The following THSD4 variants were observed in gnomAD, a reference collection of about 807,000 sequenced individuals.
THSD4 encodes the protein thrombospondin type-1 domain-containing protein 4.
A neutral mutation model predicts 119.0 loss-of-function variants in THSD4; 69 were observed. That is an observed-to-expected ratio of 0.58 (90% CI 0.48 to 0.71). The LOEUF is 0.71. THSD4 is among the 30% of genes least tolerant of loss of function. THSD4 has a pLI of 0.00. For missense variants in THSD4, 1,393 were observed against 1,391.1 expected (o/e 1.00, Z -0.02); for synonymous variants, 524 against 540.4 (o/e 0.97, Z 0.42).
chr15:71,624,288 GCT>G (rs1398793089), intron 7 of THSD4, among the ~76,000 whole-genome samples: 1 of 152,226 alleles, frequency 6.6e-6, no homozygotes, highest in Non-Finnish European at 1.5e-5. Context: ...GGGGGATTCA[GCT>G]CTGAGTCTCC....
At chr15:71,207,814 G>A (rs541715943) in intron 3 of THSD4, among the ~76,000 whole-genome samples, 1 of 152,248 alleles carries the variant, frequency 6.6e-6, no homozygotes, top group Admixed American at 6.5e-5. Context: ...CTCTACCCCC[G>A]CCACCACCAC....
chr15:71,335,129 G>A lies in THSD4; in HGVS notation c.1016-76558G>A, dbSNP rs183831301. ...TCTGAGAAATGAGTCTTGAATCCTG[G>A]GTCATGTTAGCATCAGAATCATCTT... On this transcript the variant is annotated intron_variant, in intron 6 of 17. Coordinates refer to ENST00000261862, the MANE Select transcript of THSD4 (RefSeq NM_024817.3). Among the ~76,000 whole-genome samples the A allele has an allele frequency of 2.2e-3, 335 of 152,218 alleles. 12 individuals are homozygous for A. In the South Asian group the frequency reaches 0.04, roughly 18 times the overall value.
chr15:71,346,103 C>T (rs767694367), intron 6 of THSD4, among the ~76,000 whole-genome samples: 3 of 127,120 alleles, frequency 2.4e-5, no homozygotes, highest in East Asian at 2.7e-4. Flanking sequence ...CAGAATCACA[C>T]GCTGTATTTA....
intron 7 of THSD4, among the ~76,000 whole-genome samples, chr15:71,466,654 T>A (rs1595795130): frequency 6.6e-6 from 1 of 152,194 alleles, no homozygotes; most frequent in African/African-American, 2.4e-5. Context: ...TTGCCCAGAT[T>A]GTGGCAGTGG....
At chr15:71,721,726 G>A (rs1408388899) in intron 8 of THSD4, among the ~76,000 whole-genome samples, 2 of 151,376 alleles carry the variant, frequency 1.3e-5, no homozygotes, top group South Asian at 2.1e-4. Flanking sequence ...GATAATCAGG[G>A]CTTGCATATA....
intron 6 of THSD4, among the ~76,000 whole-genome samples, chr15:71,261,074 C>T (rs947340030): frequency 2.6e-4 from 39 of 152,186 alleles, no homozygotes; most frequent in African/African-American, 2.4e-5. Flanking sequence ...TGCACTCCAG[C>T]CTACCCCTGG....
intron 6 of THSD4, among the ~76,000 whole-genome samples, chr15:71,403,604 C>A (rs1354131733): frequency 6.6e-6 from 1 of 152,192 alleles, no homozygotes; most frequent in African/African-American, 2.4e-5. Flanking sequence ...AAGGCCCTGA[C>A]CACCCTAAAA....
chr15:71,097,181 T>C lies in THSD4; in HGVS notation c.-80+175T>C, dbSNP rs539726418. ...CTTTTCCTTTGTTTGGGAAAAGTTA[T>C]TGAAACTATTCAACCAGCTTTGAAT... On this transcript the variant is annotated intron_variant, in intron 1 of 17. Transcript: ENST00000355327. Among the ~76,000 whole-genome samples the C allele has an allele frequency of 6.6e-5, 10 of 152,356 alleles. No homozygotes were observed. The East Asian group carries it at 1.2e-3, about 18-fold the overall frequency.
intron 7 of THSD4, among the ~76,000 whole-genome samples, chr15:71,597,500 C>T (rs73443894): frequency 0.034 from 5,210 of 152,208 alleles, 324 homozygotes; most frequent in African/African-American, 0.12. Context: ...AGACAACATA[C>T]ATTATAAAAG....
At chr15:71,621,418 A>G (rs1175701037) in intron 7 of THSD4, among the ~76,000 whole-genome samples, 1 of 152,196 alleles carries the variant, frequency 6.6e-6, no homozygotes, top group Non-Finnish European at 1.5e-5. Context: ...TTCAACCCTG[A>G]GATGCTATGA....
intron 7 of THSD4, among the ~76,000 whole-genome samples, chr15:71,525,973 T>A (rs943043937): frequency 2.0e-5 from 3 of 152,154 alleles, no homozygotes; most frequent in Non-Finnish European, 4.4e-5. Context: ...CAGTAAACAG[T>A]AAGTGAATTA....
Position 71,458,454 on chromosome 15 carries a change from T to TA in THSD4, c.1152+46638dup, listed in dbSNP as rs570312806. 5.4e-4 allele frequency among the ~76,000 whole-genome samples: 82 copies of TA among 152,262 alleles called. 1 individual carries two copies. The highest frequency in any genetic ancestry group is 2.4e-3 in the Admixed American group (36 of 15,296). ...ATCTCTAGAATTAGGATAATAAATGTAAAAAAACAACAGTACTGCAGTAGG... is the reference window on the plus strand; with the variant it reads ...ATCTCTAGAATTAGGATAATAAATGTAAAAAAAACAACAGTACTGCAGTAGG... On this transcript the variant is annotated intron_variant, in intron 7 of 17. Transcript: ENST00000261862.
intron 6 of THSD4, among the ~76,000 whole-genome samples, chr15:71,292,526 TCTCTG>T (rs1159716734): frequency 3.3e-5 from 5 of 152,270 alleles, no homozygotes; most frequent in Admixed American, 6.5e-5. Flanking sequence ...TCTTCTAAAT[TCTCTG>T]TTGAATTCTT....
At chr15:71,605,337 G>A (rs534782179) in intron 7 of THSD4, among the ~76,000 whole-genome samples, 4 of 152,318 alleles carry the variant, frequency 2.6e-5, no homozygotes, top group East Asian at 1.9e-4. Context: ...CTTCAGAGTC[G>A]TTCTAAGTAT....
chr15:71,722,596 A>T (rs2052743070), intron 8 of THSD4, among the ~76,000 whole-genome samples: 1 of 152,204 alleles, frequency 6.6e-6, no homozygotes, highest in Non-Finnish European at 1.5e-5. Context: ...TCGTAAGAAG[A>T]AGTTATAAAA....
chr15:71,556,194 AGTATT>A (rs1192066314), intron 7 of THSD4, among the ~76,000 whole-genome samples: 2 of 152,184 alleles, frequency 1.3e-5, no homozygotes, highest in East Asian at 1.9e-4. Flanking sequence ...AATTTTTATC[AGTATT>A]GTATTGAGTC....
chr15:71,581,178 A>G lies in THSD4; in HGVS notation c.1153-79352A>G, dbSNP rs79097374. 7.0e-3 allele frequency among the ~76,000 whole-genome samples: 1,060 copies of G among 152,276 alleles called. 10 individuals are homozygous for G. The highest frequency in any genetic ancestry group is 0.024 in the Middle Eastern group (7 of 294). On this transcript the variant is annotated intron_variant, in intron 7 of 17. Coordinates refer to ENST00000261862, the MANE Select transcript of THSD4 (RefSeq NM_024817.3). Reference sequence around the variant, plus strand: ...ACCATACCAGTTTGCATTTCCATCAACAATGTACAAAGGTTTCCTTTTCCC... The same window carrying G: ...ACCATACCAGTTTGCATTTCCATCAGCAATGTACAAAGGTTTCCTTTTCCC...
At chr15:71,747,621 A>G (rs934480003) in intron 13 of THSD4, among the ~76,000 whole-genome samples, 5 of 152,236 alleles carry the variant, frequency 3.3e-5, no homozygotes, top group African/African-American at 1.2e-4. Flanking sequence ...GGTACAGCAC[A>G]GAGGTTGCAA....
intron 3 of THSD4, among the ~76,000 whole-genome samples, chr15:71,203,210 AGTTG>A (rs1363527566): frequency 1.3e-5 from 2 of 152,104 alleles, no homozygotes; most frequent in Admixed American, 1.3e-4. Flanking sequence ...ACAGAGATGG[AGTTG>A]AAGCTGGAAA....
Sources: allele counts gnomAD v4.1 joint callset (sites outside exome capture counted in the v4.1 genomes callset), GRCh38; gene constraint gnomAD v4.1.1; transcripts MANE v1.5; gene names NCBI Gene and HGNC (gene_info 2026-07-23, HGNC 2026-07-21).